DGKB: variants seen among roughly 807,000 people sequenced by gnomAD.
DGKB encodes the protein diacylglycerol kinase beta, also known as 90 kDa diacylglycerol kinase.
DGKB carries 67 observed loss-of-function variants against 114.3 expected under a neutral mutation model. That is an observed-to-expected ratio of 0.59 (90% CI 0.48 to 0.72). The LOEUF is 0.72. Ranked by LOEUF, DGKB falls within the 30% of genes least tolerant of loss-of-function variation. The probability of loss-of-function intolerance (pLI) is 0.00; values close to 1 mark genes in which losing one functional copy is unlikely to be tolerated. For synonymous variants in DGKB, 398 were observed against 323.1 expected (o/e 1.23, Z -2.49); for missense variants, 907 against 975.2 (o/e 0.93, Z 0.93).
chr7:14,459,877 T>C (rs796179546), intron 21 of DGKB, among the ~76,000 whole-genome samples: 2 of 152,056 alleles, frequency 1.3e-5, no homozygotes, highest in Non-Finnish European at 2.9e-5. Flanking sequence ...AAGGGAACCC[T>C]ATCAGACTAA....
At chr7:14,389,326 C>A in intron 21 of DGKB, among the ~76,000 whole-genome samples, 1 of 152,156 alleles carries the variant, frequency 6.6e-6, no homozygotes, top group African/African-American at 2.4e-5. Context: ...CCATCTAGGA[C>A]CCTTTGAAAG....
intron 20 of DGKB, among the ~76,000 whole-genome samples, chr7:14,487,717 T>A (rs1784036538): frequency 6.6e-6 from 1 of 151,492 alleles, no homozygotes; most frequent in African/African-American, 2.4e-5. Flanking sequence ...TCCTCTTGCC[T>A]TGACCCCTCG....
chr7:14,938,612 C>T (rs1339002550), intron 1 of DGKB, among the ~76,000 whole-genome samples: 2 of 133,048 alleles, frequency 1.5e-5, no homozygotes, highest in Admixed American at 1.5e-4. Flanking sequence ...TCTTTTCTTT[C>T]TTTCTTTTTT....
chr7:14,578,170 A>G lies in DGKB; in HGVS notation c.1609+2692T>C, dbSNP rs55782903. Among the ~76,000 whole-genome samples the G allele has an allele frequency of 4.9e-3, 747 of 152,226 alleles. 3 individuals carry two copies. The highest frequency in any genetic ancestry group is 0.017 in the African/African-American group (693 of 41,550). On this transcript the variant is annotated intron_variant, in intron 19 of 25. Coordinates refer to ENST00000402815, the MANE Select transcript of DGKB (RefSeq NM_001350709.2). ...TCATTTGCTTCTCTCACCTGCTGCC[A>G]TGTAAAAAATGCCTTTGCTTCTCCT...
At position 14,342,700 on chromosome 7, in the gene DGKB, T is replaced by C. The variant is rs187987441; in HGVS notation, c.1926+2601A>G. ...TGGAGATATAACAGTATCATAAGGT[T>C]TTGATAAAGACTAAATCAAATAATA... is the stretch of plus-strand genomic sequence containing the variant. On this transcript the variant is annotated intron_variant, in intron 22 of 25. Coordinates refer to ENST00000402815, the MANE Select transcript of DGKB (RefSeq NM_001350709.2). 9.2e-5 allele frequency among the ~76,000 whole-genome samples: 14 copies of C among 152,020 alleles called. No homozygotes were observed. The East Asian group carries it at 2.7e-3, about 29-fold the overall frequency.
chr7:14,277,295 C>A (rs1426840682), intron 23 of DGKB, among the ~76,000 whole-genome samples: 1 of 152,090 alleles, frequency 6.6e-6, no homozygotes, highest in Non-Finnish European at 1.5e-5. Context: ...CTCAGCCTCC[C>A]AAGTAGCTGG....
intron 20 of DGKB, among the ~76,000 whole-genome samples, chr7:14,506,709 A>G (rs1291115650): frequency 2.0e-5 from 3 of 152,206 alleles, no homozygotes; most frequent in Admixed American, 1.3e-4. Context: ...CCAGGATACT[A>G]TAAGTGGGTG....
intron 2 of DGKB, among the ~76,000 whole-genome samples, chr7:14,801,263 A>G (rs888661968): frequency 1.3e-5 from 2 of 152,114 alleles, no homozygotes; most frequent in Admixed American, 6.6e-5. Flanking sequence ...TGTATGCAGG[A>G]TAGTTGCATC....
At chr7:14,952,892 G>A (rs1194341651) in intron 1 of DGKB, among the ~76,000 whole-genome samples, 2 of 152,038 alleles carry the variant, frequency 1.3e-5, no homozygotes, top group Non-Finnish European at 2.9e-5. Context: ...GAATATAATT[G>A]GAAATCTAGA....
chr7:14,212,874 C>A (rs893628523), intron 23 of DGKB, among the ~76,000 whole-genome samples: 1 of 152,028 alleles, frequency 6.6e-6, no homozygotes, highest in Non-Finnish European at 1.5e-5. Flanking sequence ...CCAAATCGAT[C>A]AATTAGTAAG....
intron 21 of DGKB, among the ~76,000 whole-genome samples, chr7:14,420,540 T>C (rs73280910): frequency 0.027 from 4,144 of 152,148 alleles, 193 homozygotes; most frequent in African/African-American, 0.093. Context: ...ATTTTTTCTC[T>C]GTACTTCTGA....
At chr7:14,688,439 A>T (rs1040874951) in intron 9 of DGKB, among the ~76,000 whole-genome samples, 1 of 152,124 alleles carries the variant, frequency 6.6e-6, no homozygotes, top group Non-Finnish European at 1.5e-5. Context: ...ACACCTGTGA[A>T]GTTAATTTGG....
intron 1 of DGKB, among the ~76,000 whole-genome samples, chr7:14,911,509 C>T (rs1047616762): frequency 5.3e-5 from 8 of 152,238 alleles, no homozygotes; most frequent in African/African-American, 1.4e-4. Context: ...GGCTCCAACA[C>T]TCAGCTCAAT....
chr7:14,531,427 A>G (rs12668831), intron 20 of DGKB, among the ~76,000 whole-genome samples: 74,251 of 150,994 alleles, frequency 0.49, 18,843 homozygotes, highest in East Asian at 0.82. Context: ...ATAATCATAC[A>G]GTAAAGTCAA....
At chr7:14,634,195 G>A (rs570564635) in intron 13 of DGKB, among the ~76,000 whole-genome samples, 1 of 150,534 alleles carries the variant, frequency 6.6e-6, no homozygotes, top group African/African-American at 2.4e-5. Context: ...TTGCTATCTT[G>A]CCTCATTTAA....
At chr7:14,973,491 T>G (rs923558000) in intron 1 of DGKB, among the ~76,000 whole-genome samples, 3 of 150,728 alleles carry the variant, frequency 2.0e-5, no homozygotes, top group African/African-American at 4.9e-5. Context: ...TGTTGTTTTG[T>G]TTTTTTGTTT....
chr7:14,427,240 T>A (rs1827719061), intron 21 of DGKB, among the ~76,000 whole-genome samples: 1 of 152,094 alleles, frequency 6.6e-6, no homozygotes, highest in Non-Finnish European at 1.5e-5. Flanking sequence ...AGGGGCAAAA[T>A]GCCACCAGTC....
At chr7:14,704,602 C>A (rs979840372) in intron 6 of DGKB, among the ~76,000 whole-genome samples, 5 of 151,930 alleles carry the variant, frequency 3.3e-5, no homozygotes, top group African/African-American at 1.2e-4. Context: ...GTGGTTCTCC[C>A]AGCACGCAGC....
At chr7:14,213,342 C>G (rs1339657637) in intron 23 of DGKB, among the ~76,000 whole-genome samples, 1 of 151,994 alleles carries the variant, frequency 6.6e-6, no homozygotes, top group Non-Finnish European at 1.5e-5. Context: ...GAATGATTCT[C>G]AAGATAGAGA....
Sources: allele counts gnomAD v4.1 joint callset (sites outside exome capture counted in the v4.1 genomes callset), GRCh38; gene constraint gnomAD v4.1.1; transcripts MANE v1.5; gene names NCBI Gene and HGNC (gene_info 2026-07-23, HGNC 2026-07-21).